Variants in DDX24 observed in about 807,000 individuals in gnomAD.
The protein encoded by DDX24 is DEAD-box helicase 24, also known as ATP-dependent RNA helicase DDX24.
A neutral mutation model predicts 68.9 loss-of-function variants in DDX24; 24 were observed. The ratio of observed to expected loss-of-function variants is 0.35; its 90% CI spans 0.25 to 0.49. DDX24 has a LOEUF of 0.49. DDX24 is among the 20% of genes least tolerant of loss of function. The pLI is 0.99. For missense variants in DDX24, 989 were observed against 1,039.0 expected (o/e 0.95, Z 0.66); for synonymous variants, 395 against 385.2 (o/e 1.03, Z -0.30).
chr14:94,056,567 T>C (rs1201605709), intron 6 of DDX24: 2 of 151,932 alleles, frequency 1.3e-5, no homozygotes, highest in African/African-American at 2.4e-5. Flanking sequence ...CCCATCTATA[T>C]TCTTTGTAAT....
At chr14:94,074,682 C>T (rs761006964) in intron 2 of DDX24, among the ~76,000 whole-genome samples, 5 of 152,156 alleles carry the variant, frequency 3.3e-5, no homozygotes, top group Admixed American at 6.5e-5. Context: ...CACTTTACCA[C>T]TACAATTCAA....
chr14:94,065,059 T>TTC (rs1401070648), intron 2 of DDX24, among the ~76,000 whole-genome samples: 1 of 150,632 alleles, frequency 6.6e-6, no homozygotes, highest in Non-Finnish European at 1.5e-5. Flanking sequence ...AAAATCTTTT[T>TTC]TTTTTTTTTG....
chr14:94,066,732 A>G (rs1387387978), intron 2 of DDX24, among the ~76,000 whole-genome samples: 1 of 152,234 alleles, frequency 6.6e-6, no homozygotes, highest in East Asian at 1.9e-4. Context: ...CCCAGAAGAC[A>G]GACAACAATC....
chr14:94,062,628 A>T lies in DDX24; in HGVS notation c.719-7T>A, dbSNP rs753712816. On this transcript the variant is annotated splice_region_variant and splice_polypyrimidine_tract_variant and intron_variant, in intron 2 of 8. Coordinates refer to ENST00000621632, the MANE Select transcript of DDX24 (RefSeq NM_020414.4). ...GCAAGAGTTTTCCCACTTCCTTAAA[A>T]GTAAAAAAACAAAACAAAGTAAAAA... The T allele has an allele frequency of 1.3e-6, 2 of 1,577,112 alleles. No individual in the cohort carries two copies. Among genetic ancestry groups the T allele is most frequent in the Non-Finnish European group, 1.7e-6 (2 of 1,164,650 alleles).
At chr14:94,077,260 A>AGTG (rs570192077) in intron 2 of DDX24, among the ~76,000 whole-genome samples, 1,546 of 152,346 alleles carry the variant, frequency 0.01, 30 homozygotes, top group African/African-American at 0.035. Context: ...TTGCATGGGC[A>AGTG]GTGGTCTGTT....
In DDX24 at chr14:94,079,412, C is replaced by T. The variant is rs1213412949; in HGVS notation, c.331G>A (p.Gly111Arg). 1.2e-6 allele frequency: 2 copies of T among 1,614,026 alleles called. No individual in the cohort carries two copies. Among genetic ancestry groups the T allele is most frequent in the Non-Finnish European group, 8.5e-7 (1 of 1,180,034 alleles). Reference sequence around the variant, plus strand: ...TCAAATTCTTTCTGGGTACTGGTTCCTTCAGTTGCTACATTTTTACTTTTC... The same window carrying T: ...TCAAATTCTTTCTGGGTACTGGTTCTTTCAGTTGCTACATTTTTACTTTTC... ...LKKSKNVATE[G>R]TSTQKEFEVK... The change falls in exon 2 of 9, where the codon GGA (glycine) becomes AGA (arginine). Residue 111 changes from glycine (G) to arginine (R), a missense_variant. Physicochemically the swap from Gly to Arg is moderately radical, Grantham distance 125. Coordinates refer to ENST00000621632, the MANE Select transcript of DDX24 (RefSeq NM_020414.4).
intron 8 of DDX24, among the ~76,000 whole-genome samples, chr14:94,052,186 C>T (rs1177270464): frequency 3.3e-5 from 5 of 152,250 alleles, no homozygotes; most frequent in African/African-American, 1.2e-4. Context: ...AACATCTCTG[C>T]TGAGCTGCAT....
chr14:94,054,649 G>A (rs2141421786), intron 7 of DDX24, among the ~76,000 whole-genome samples: 1 of 152,292 alleles, frequency 6.6e-6, no homozygotes, highest in South Asian at 2.1e-4. Flanking sequence ...TGCCAAACCT[G>A]TAGCATCTGC....
At chr14:94,079,884 T>A in intron 1 of DDX24, 137 bp from the exon 2 acceptor site, 2 of 780,724 alleles carry the variant, frequency 2.6e-6, no homozygotes, top group Non-Finnish European at 4.2e-6. Flanking sequence ...TGCTCCCACC[T>A]AGAGAAGAAC....
Position 94,060,081 on chromosome 14 carries a change from G to A in DDX24, c.1913+17C>T. On this transcript the variant is annotated intron_variant, in intron 5 of 8. Transcript: ENST00000621632. ...AACTAACTAGAGGTTAAGCCTCTGG[G>A]GACAGTCCTAACTTACTCTTCCAGA... The A allele has an allele frequency of 6.3e-7, 1 of 1,597,560 alleles. No homozygotes were observed. The highest frequency in any genetic ancestry group is 8.5e-7 in the Non-Finnish European group (1 of 1,169,598).
intron 2 of DDX24, among the ~76,000 whole-genome samples, chr14:94,075,551 T>TA (rs1249831679): frequency 6.6e-5 from 10 of 152,194 alleles, no homozygotes; most frequent in African/African-American, 2.4e-4. Context: ...TTAACACTTC[T>TA]AGAACAAAAC....
chr14:94,064,295 A>T (rs1200522858), intron 2 of DDX24, among the ~76,000 whole-genome samples: 1 of 152,240 alleles, frequency 6.6e-6, no homozygotes, highest in Non-Finnish European at 1.5e-5. Flanking sequence ...TGACAGGGGC[A>T]TCTTTTGTTG....
At chr14:94,052,942 C>G in intron 8 of DDX24, 56 bp downstream of exon 8, 1 of 1,565,858 alleles carries the variant, frequency 6.4e-7, no homozygotes, top group African/African-American at 1.4e-5. Flanking sequence ...TCCAACAAAG[C>G]AAAAGTTAAA....
In DDX24 at chr14:94,050,385, T is replaced by C. The variant is rs1364376435; in HGVS notation, c.*806A>G. The stretch of plus-strand genomic sequence containing the variant: ...CTCAGGACTAGAGGACCCATGGCAG[T>C]GCTCCAGGATGGAGAAGGCCAAAAG... On this transcript the variant is annotated 3_prime_UTR_variant, in exon 9 of 9. Transcript: ENST00000621632. 6.6e-6 allele frequency: 1 copy of C among 152,232 alleles called. No homozygotes were observed. The highest frequency in any genetic ancestry group is 1.5e-5 in the Non-Finnish European group (1 of 68,118). 9.4% of individuals were successfully genotyped at this position (152,232 alleles called of 1,614,324 possible). A position where few individuals can be genotyped will look rare whatever the true frequency, so the allele number is the denominator to read the frequency against.
intron 2 of DDX24, among the ~76,000 whole-genome samples, chr14:94,074,722 TACA>T (rs1264953947): frequency 2.6e-5 from 4 of 152,112 alleles, no homozygotes; most frequent in African/African-American, 9.7e-5. Context: ...GCCACTGCAA[TACA>T]ACAAGAAAAA....
At chr14:94,069,291 A>G (rs1197006386) in intron 2 of DDX24, among the ~76,000 whole-genome samples, 1 of 152,158 alleles carries the variant, frequency 6.6e-6, no homozygotes, top group Non-Finnish European at 1.5e-5. Flanking sequence ...TCCTGGAAAA[A>G]AAACCCTCCT....
chr14:94,063,859 T>C (rs1452197414), intron 2 of DDX24, among the ~76,000 whole-genome samples: 7 of 152,204 alleles, frequency 4.6e-5, no homozygotes, highest in Non-Finnish European at 8.8e-5. Flanking sequence ...GCCATGATCG[T>C]GCCACTGCAC....
At chr14:94,063,420 C>T (rs2141427780) in intron 2 of DDX24, among the ~76,000 whole-genome samples, 1 of 152,114 alleles carries the variant, frequency 6.6e-6, no homozygotes, top group Non-Finnish European at 1.5e-5. Flanking sequence ...AAAATAAAAC[C>T]CTGACAATCT....
chr14:94,059,080 G>C (rs1185672610), intron 5 of DDX24, among the ~76,000 whole-genome samples: 1 of 152,126 alleles, frequency 6.6e-6, no homozygotes, highest in Admixed American at 6.5e-5. Context: ...AAAAAAAAAG[G>C]GCAGCAAGCA....
Sources: gnomAD v4.1 joint callset for allele counts (sites outside exome capture counted in the v4.1 genomes callset) on GRCh38, gnomAD v4.1.1 for gene constraint, MANE v1.5 for transcripts, NCBI Gene and HGNC (gene_info 2026-07-23, HGNC 2026-07-21) for gene names.